Variants in PTPN6 observed in about 807,000 individuals in gnomAD.
PTPN6 encodes the protein protein tyrosine phosphatase non-receptor type 6.
A neutral mutation model predicts 81.5 loss-of-function variants in PTPN6; 18 were observed. The ratio of observed to expected loss-of-function variants is 0.22; its 90% CI spans 0.15 to 0.33. PTPN6 has a LOEUF of 0.33. PTPN6 is among the 10% of genes least tolerant of loss of function. PTPN6 has a pLI of 1.00. For missense variants in PTPN6, 500 were observed against 794.2 expected (o/e 0.63, Z 4.45); for synonymous variants, 301 against 310.9 (o/e 0.97, Z 0.33).
upstream of PTPN6, among the ~76,000 whole-genome samples, chr12:6,948,355 G>A (rs1290434384): frequency 2.6e-5 from 4 of 151,024 alleles, no homozygotes; most frequent in African/African-American, 7.3e-5. Context: ...AGGATCACCT[G>A]AGCCAAGGAG....
Position 6,957,776 on chromosome 12 carries a change from G to T in PTPN6, c.1197G>T (p.Pro399=), listed in dbSNP as rs116298095. ...EYKLRTLQVS[P]LDNGDLIREI... ...AACTCCGTACCTTACAGGTCTCCCC[G>T]CTGGACAATGTGAGTGGCCCCCACG... Residue 399 remains proline, a synonymous_variant, in exon 10 of 16, where the codon CCG becomes CCT. Coordinates refer to ENST00000318974, the MANE Select transcript of PTPN6 (RefSeq NM_002831.6). The surrounding 1 kb of genome is among the most constrained non-coding windows in gnomAD (Gnocchi z 6.5). 1 of 1,614,124 alleles carries T rather than the reference G, an allele frequency of 6.2e-7. No homozygotes were observed. Among genetic ancestry groups the T allele is most frequent in the South Asian group, 1.1e-5 (1 of 91,086 alleles).
Position 6,960,641 on chromosome 12 carries a change from A to T in PTPN6, c.1674-165A>T, listed in dbSNP as rs1027751752. On this transcript the variant is annotated intron_variant, in intron 14 of 15. Transcript: ENST00000318974. The surrounding 1 kb of genome is among the most constrained non-coding windows in gnomAD (Gnocchi z 6.1). ...GGTACCAGCAGCGCACTCGTGTATG[A>T]GATGTAGCCTCTGTCCTCTAGGAGC... 76 of 1,538,420 alleles carry T rather than the reference A, an allele frequency of 4.9e-5. No homozygotes were observed. Among genetic ancestry groups the T allele is most frequent in the Non-Finnish European group, 6.0e-5 (68 of 1,135,806 alleles).
rs781875618 is a variant in PTPN6 at position 6,954,167 on chromosome 12, C to T, written c.327-638C>T. ...GACATCATCCAGGGCACCCCAGAAC[C>T]CCCTACACCACTCTTTCCCCAGTGG... is the stretch of plus-strand genomic sequence containing the variant. On this transcript the variant is annotated intron_variant, in intron 3 of 15. Coordinates refer to ENST00000318974, the MANE Select transcript of PTPN6 (RefSeq NM_002831.6). This position sits in a 1 kb window ranked among gnomAD's most constrained non-coding sequence, Gnocchi z 5.4. 6.6e-6 allele frequency among the ~76,000 whole-genome samples: 1 copy of T among 152,024 alleles called. No homozygotes were observed. The highest frequency in any genetic ancestry group is 6.5e-5 in the Admixed American group (1 of 15,276).
Position 6,958,857 on chromosome 12 carries a change from T to G in PTPN6, c.1361+784T>G, listed in dbSNP as rs7307453. On this transcript the variant is annotated intron_variant, in intron 11 of 15. Transcript: ENST00000318974. The stretch of plus-strand genomic sequence containing the variant: ...TTTTCTAACCCTCAGCTTCCTCATC[T>G]GTAAAATCAGGATCTCAGGGTTGTC... Among the ~76,000 whole-genome samples, 1,063 of 152,330 alleles carry G rather than the reference T, an allele frequency of 7.0e-3. 10 individuals carry two copies. Among genetic ancestry groups the G allele is most frequent in the African/African-American group, 0.024 (990 of 41,556 alleles).
chr12:6,956,954 G>C lies in PTPN6; in HGVS notation c.1074+386G>C, dbSNP rs1946042554. Among the ~76,000 whole-genome samples, 1 of 152,174 alleles carries C rather than the reference G, an allele frequency of 6.6e-6. No homozygotes were observed. Among genetic ancestry groups the C allele is most frequent in the African/African-American group, 2.4e-5 (1 of 41,424 alleles). ...TGATCCCATCCGTGACACAAACTGG[G>C]TCAAGTTCCTTCCTTTCTGAAATCT... On this transcript the variant is annotated intron_variant, in intron 9 of 15. Transcript: ENST00000318974. The surrounding 1 kb of genome is among the most constrained non-coding windows in gnomAD (Gnocchi z 4.1).
rs201345298 is a variant in PTPN6 at position 6,955,413 on chromosome 12, C to A, written c.675C>A (p.Asn225Lys). 4.8e-4 allele frequency: 772 copies of A among 1,614,140 alleles called. No individual in the cohort carries two copies. Among genetic ancestry groups the A allele is most frequent in the Admixed American group, 7.5e-4 (45 of 60,026 alleles). ...ATRVNAADIE[N>K]RVLELNKKQE... Reference sequence around the variant, plus strand: ...GGGTGAATGCGGCTGACATTGAGAACCGAGTGTTGGAACTGAACAAGAAGC... The same window carrying A: ...GGGTGAATGCGGCTGACATTGAGAAACGAGTGTTGGAACTGAACAAGAAGC... The change falls in exon 6 of 16, where the codon AAC (asparagine) becomes AAA (lysine). Residue 225 changes from asparagine (N) to lysine (K), a missense_variant. Asn to Lys is a moderately conservative substitution (Grantham distance 94). This residue lies in a region of PTPN6 where 96 missense variants were observed against 137.3 expected (regional missense o/e 0.70). Coordinates refer to ENST00000318974, the MANE Select transcript of PTPN6 (RefSeq NM_002831.6). This position sits in a 1 kb window ranked among gnomAD's most constrained non-coding sequence, Gnocchi z 7.2.
At chr12:6,951,257 TC>T, upstream of PTPN6, 1 of 1,438,162 alleles carries the variant, frequency 7.0e-7, no homozygotes, top group Non-Finnish European at 9.1e-7. This position sits in a 1 kb window ranked among gnomAD's most constrained non-coding sequence, Gnocchi z 7.2. Context: ...GCTCTGCTTC[TC>T]TTCCCTTGCT....
chr12:6,948,270 A>G (rs1381710570), upstream of PTPN6, among the ~76,000 whole-genome samples: 1 of 151,980 alleles, frequency 6.6e-6, no homozygotes, highest in Non-Finnish European at 1.5e-5. Context: ...GACTACGACT[A>G]CTACTACTAC....
At position 6,955,594 on chromosome 12, in the gene PTPN6, C is replaced by G. The variant is rs1045849676; in HGVS notation, c.748-66C>G. On this transcript the variant is annotated intron_variant, in intron 6 of 15. Coordinates refer to ENST00000318974, the MANE Select transcript of PTPN6 (RefSeq NM_002831.6). This position sits in a 1 kb window ranked among gnomAD's most constrained non-coding sequence, Gnocchi z 7.2. The stretch of plus-strand genomic sequence containing the variant: ...GCCCACCTCTGCTCCTGACCCACCC[C>G]ACGTGAGCTCCCCCGATGGATGCCC... 3.8e-6 allele frequency: 6 copies of G among 1,576,154 alleles called. No homozygotes were observed. The highest frequency in any genetic ancestry group is 5.2e-6 in the Non-Finnish European group (6 of 1,146,156).
chr12:6,958,110 G>A (rs1221360881), intron 11 of PTPN6, 37 bp downstream of exon 11: 1 of 1,603,196 alleles, frequency 6.2e-7, no homozygotes, highest in African/African-American at 1.3e-5. Context: ...AGTGACAGCT[G>A]AGAAGTAAAT....
rs1412135557 is a variant in PTPN6 at position 6,952,694 on chromosome 12, G to A, written c.326+517G>A. ...GGGTCTGTCCTGTGGGGTCAAATAGGTCTCCGGCCCAAACAGAGATCATTG... is the reference window on the plus strand; with the variant it reads ...GGGTCTGTCCTGTGGGGTCAAATAGATCTCCGGCCCAAACAGAGATCATTG... On this transcript the variant is annotated intron_variant, in intron 3 of 15. Transcript: ENST00000318974. The surrounding 1 kb of genome is among the most constrained non-coding windows in gnomAD (Gnocchi z 8.1). 1 of 200,066 alleles carries A rather than the reference G, an allele frequency of 5.0e-6. No individual in the cohort carries two copies. The highest frequency in any genetic ancestry group is 1.0e-5 in the Non-Finnish European group (1 of 95,526). The allele number at this position is 200,066 out of a possible 1,614,324, so 12.4% of individuals were successfully genotyped here. A position where few individuals can be genotyped will look rare whatever the true frequency, so the allele number is the denominator to read the frequency against.
chr12:6,947,711 T>C (rs969838751), upstream of PTPN6, among the ~76,000 whole-genome samples: 1 of 150,532 alleles, frequency 6.6e-6, no homozygotes, highest in Non-Finnish European at 1.5e-5. Flanking sequence ...CTTCATATGC[T>C]AGCAAGTGAC....
chr12:6,946,796 G>A, upstream of PTPN6: 1 of 1,548,978 alleles, frequency 6.5e-7, no homozygotes, highest in South Asian at 1.2e-5. Context: ...AGGGAGGGAG[G>A]GCTTTGTTGA....
chr12:6,948,731 G>C (rs1008892970), upstream of PTPN6, among the ~76,000 whole-genome samples: 1 of 151,876 alleles, frequency 6.6e-6, no homozygotes, highest in African/African-American at 2.4e-5. Flanking sequence ...ACGAGGTCAG[G>C]AGTTCAAGAC....
chr12:6,946,731 G>C (rs1384351573), upstream of PTPN6: 4 of 1,612,398 alleles, frequency 2.5e-6, no homozygotes, highest in Non-Finnish European at 3.4e-6. Flanking sequence ...GAGAGATGCT[G>C]TCCCGTGGGT....
upstream of PTPN6, among the ~76,000 whole-genome samples, chr12:6,947,170 C>T (rs1292042849): frequency 6.6e-6 from 1 of 152,182 alleles, no homozygotes. Flanking sequence ...TTTCACTTCC[C>T]TTTCCCCTGC....
rs1163107482 is a variant in PTPN6, at chr12:6,960,893, G to C, written c.1761G>C (p.Lys587Asn). Residue 587 changes from lysine (K) to asparagine (N), a missense_variant, in exon 15 of 16, where the codon AAG becomes AAC. By Grantham distance (94) the Lys-to-Asn change is moderately conservative. Coordinates refer to ENST00000318974, the MANE Select transcript of PTPN6 (RefSeq NM_002831.6). This position sits in a 1 kb window ranked among gnomAD's most constrained non-coding sequence, Gnocchi z 6.1. ...VKKQRSADKEKSKGSLKRK is the reference protein window; with the variant it reads ...VKKQRSADKENSKGSLKRK ...AGCAGCGGTCAGCAGACAAGGAGAAGAGCAAGGGTTCCCTCAAGAGGAAGT... is the reference window on the plus strand; with the variant it reads ...AGCAGCGGTCAGCAGACAAGGAGAACAGCAAGGGTTCCCTCAAGAGGAAGT... 5.7e-6 allele frequency: 9 copies of C among 1,575,894 alleles called. No homozygotes were observed. Among genetic ancestry groups the C allele is most frequent in the Middle Eastern group, 1.7e-4 (1 of 6,058 alleles).
rs1297142731 is a variant in PTPN6 at position 6,957,651 on chromosome 12, C to T, written c.1075-3C>T. 6.4e-7 allele frequency: 1 copy of T among 1,574,432 alleles called. No individual in the cohort carries two copies. Among genetic ancestry groups the T allele is most frequent in the African/African-American group, 1.4e-5 (1 of 74,072 alleles). On this transcript the variant is annotated splice_region_variant and splice_polypyrimidine_tract_variant and intron_variant, in intron 9 of 15. Transcript: ENST00000318974. The surrounding 1 kb of genome is among the most constrained non-coding windows in gnomAD (Gnocchi z 6.5). ...TCATCCCCACCCGACCCTCCCTTTCCAGAACAAATGCGTCCCATACTGGCC... is the reference window on the plus strand; with the variant it reads ...TCATCCCCACCCGACCCTCCCTTTCTAGAACAAATGCGTCCCATACTGGCC...
At chr12:6,951,234 C>A, upstream of PTPN6, 1 of 1,425,876 alleles carries the variant, frequency 7.0e-7, no homozygotes, top group East Asian at 2.6e-5. This position sits in a 1 kb window ranked among gnomAD's most constrained non-coding sequence, Gnocchi z 7.2. Flanking sequence ...GTCCCCACCC[C>A]CAGTGCCACC....
Sources: gnomAD v4.1 joint callset for allele counts (sites outside exome capture counted in the v4.1 genomes callset) on GRCh38, gnomAD v4.1.1 for gene constraint, gnomAD v4.1.1 regional missense constraint, Gnocchi (gnomAD v3.1) non-coding constraint, MANE v1.5 for transcripts, NCBI Gene and HGNC (gene_info 2026-07-23, HGNC 2026-07-21) for gene names.